Variants in SOX5 observed in about 807,000 individuals in gnomAD.
The protein encoded by SOX5 is transcription factor SOX-5.
In SOX5, 9 loss-of-function variants were observed where a neutral mutation model predicts 92.0. That is an observed-to-expected ratio of 0.10 (90% CI 0.06 to 0.17). SOX5 has a LOEUF of 0.17. SOX5 is among the 10% of genes least tolerant of loss of function. The pLI is 1.00. For missense variants in SOX5, 642 were observed against 944.5 expected (o/e 0.68, Z 4.20); for synonymous variants, 344 against 336.3 (o/e 1.02, Z -0.25).
At chr12:24,202,379 A>G (rs1206820840) in intron 4 of SOX5, among the ~76,000 whole-genome samples, 1 of 152,256 alleles carries the variant, frequency 6.6e-6, no homozygotes, top group Non-Finnish European at 1.5e-5. Context: ...GGCTTAAAAA[A>G]TGCAAAAATA....
chr12:23,649,559 T>C (rs1209393122), intron 7 of SOX5, among the ~76,000 whole-genome samples: 1 of 152,120 alleles, frequency 6.6e-6, no homozygotes, highest in East Asian at 1.9e-4. Flanking sequence ...CCAACATTAA[T>C]TTGCTTCTTA....
chr12:24,019,576 A>G (rs947860406), intron 4 of SOX5, among the ~76,000 whole-genome samples: 3 of 152,178 alleles, frequency 2.0e-5, no homozygotes, highest in African/African-American at 7.2e-5. Flanking sequence ...TTTATTTCAC[A>G]CTGCATCTTG....
intron 6 of SOX5, among the ~76,000 whole-genome samples, chr12:23,687,819 C>T (rs1299825083): frequency 6.6e-6 from 1 of 151,634 alleles, no homozygotes; most frequent in Non-Finnish European, 1.5e-5. Flanking sequence ...ATGGCTGCAA[C>T]GAAGCACTGG....
intron 8 of SOX5, among the ~76,000 whole-genome samples, chr12:23,616,245 A>C (rs945900446): frequency 2.6e-5 from 4 of 152,186 alleles, no homozygotes; most frequent in Non-Finnish European, 2.9e-5. Flanking sequence ...TCTTGGTCAA[A>C]CCTGAGCGGA....
chr12:23,840,770 C>T (rs941288044), intron 3 of SOX5, among the ~76,000 whole-genome samples: 1 of 152,090 alleles, frequency 6.6e-6, no homozygotes, highest in African/African-American at 2.4e-5. Context: ...AATAATTGGA[C>T]TTCTATATGC....
chr12:24,132,415 G>T (rs1367654246), intron 4 of SOX5, among the ~76,000 whole-genome samples: 1 of 152,116 alleles, frequency 6.6e-6, no homozygotes, highest in Non-Finnish European at 1.5e-5. Context: ...AAACAATGTG[G>T]TATCTATATA....
chr12:24,043,472 C>T (rs189038449), intron 4 of SOX5, among the ~76,000 whole-genome samples: 31 of 152,290 alleles, frequency 2.0e-4, no homozygotes, highest in East Asian at 3.9e-4. Flanking sequence ...AAAGTTTAAA[C>T]GCTTTCTAAT....
At chr12:24,484,440 T>G (rs768364586) in intron 1 of SOX5, among the ~76,000 whole-genome samples, 2 of 152,188 alleles carry the variant, frequency 1.3e-5, no homozygotes, top group Non-Finnish European at 2.9e-5. Context: ...CTGTTTTAAA[T>G]CATATTAATT....
intron 4 of SOX5, among the ~76,000 whole-genome samples, chr12:24,050,343 C>A (rs979404502): frequency 1.3e-5 from 2 of 152,096 alleles, no homozygotes; most frequent in Non-Finnish European, 2.9e-5. Flanking sequence ...ACATACATTA[C>A]TCAGAGGATC....
chr12:24,536,465 A>AT (rs893285388), intron 1 of SOX5, among the ~76,000 whole-genome samples: 35 of 151,638 alleles, frequency 2.3e-4, no homozygotes, highest in Middle Eastern at 3.4e-3. Flanking sequence ...AGCAACACAC[A>AT]TTTTTTTTTA....
chr12:24,208,273 G>A (rs181458453), intron 4 of SOX5, among the ~76,000 whole-genome samples: 2 of 152,160 alleles, frequency 1.3e-5, no homozygotes, highest in Admixed American at 1.3e-4. Flanking sequence ...ATTAATCCAA[G>A]GCACAGCCCT....
intron 2 of SOX5, among the ~76,000 whole-genome samples, chr12:24,326,964 G>A (rs1245312989): frequency 6.6e-6 from 1 of 152,022 alleles, no homozygotes; most frequent in Non-Finnish European, 1.5e-5. Context: ...AGGAGGTTTT[G>A]TGTTTTTTGC....
At chr12:24,329,646 G>T (rs552219184) in intron 2 of SOX5, among the ~76,000 whole-genome samples, 1 of 152,292 alleles carries the variant, frequency 6.6e-6, no homozygotes, top group South Asian at 2.1e-4. Flanking sequence ...GAATACAAAA[G>T]CATGATAAAT....
At chr12:24,249,095 T>C (rs1385278440) in intron 3 of SOX5, among the ~76,000 whole-genome samples, 1 of 152,224 alleles carries the variant, frequency 6.6e-6, no homozygotes, top group East Asian at 1.9e-4. Context: ...ATATTTATCC[T>C]GAAGCAGTCA....
intron 4 of SOX5, among the ~76,000 whole-genome samples, chr12:24,026,666 TA>T (rs58294728): frequency 0.11 from 14,742 of 139,680 alleles, 1,155 homozygotes; most frequent in African/African-American, 0.23. Context: ...GTCTATTAGA[TA>T]AAAAAAAAAA....
intron 3 of SOX5, among the ~76,000 whole-genome samples, chr12:23,798,932 A>G (rs1392939754): frequency 6.6e-6 from 1 of 152,020 alleles, no homozygotes; most frequent in Non-Finnish European, 1.5e-5. Context: ...GTATGATGGT[A>G]CTGTTTAGCC....
intron 4 of SOX5, among the ~76,000 whole-genome samples, chr12:24,210,247 G>A (rs1565663283): frequency 6.6e-6 from 1 of 151,880 alleles, no homozygotes; most frequent in Non-Finnish European, 1.5e-5. Context: ...GTGTACAATG[G>A]CTTGACAAAT....
At chr12:23,958,304 A>G (rs1444631614) in intron 4 of SOX5, among the ~76,000 whole-genome samples, 1 of 152,080 alleles carries the variant, frequency 6.6e-6, no homozygotes, top group Non-Finnish European at 1.5e-5. Flanking sequence ...AAAAAAGGAA[A>G]GAATCAATAC....
At chr12:24,039,699 A>G (rs1055445129) in intron 4 of SOX5, among the ~76,000 whole-genome samples, 1 of 152,196 alleles carries the variant, frequency 6.6e-6, no homozygotes, top group Non-Finnish European at 1.5e-5. Context: ...TCCATATCCT[A>G]CAGTATATAC....
Sources: gnomAD v4.1 joint callset for allele counts (sites outside exome capture counted in the v4.1 genomes callset) on GRCh38, gnomAD v4.1.1 for gene constraint, MANE v1.5 for transcripts, NCBI Gene and HGNC (gene_info 2026-07-23, HGNC 2026-07-21) for gene names.